The following PDXK variants were observed in gnomAD, a reference collection of about 807,000 sequenced individuals.
PDXK encodes the protein pyridoxal kinase.
A neutral mutation model predicts 43.2 loss-of-function variants in PDXK; 15 were observed. The ratio of observed to expected loss-of-function variants is 0.35; its 90% confidence interval spans 0.23 to 0.53. The LOEUF (loss-of-function observed/expected upper bound fraction) is 0.53, where lower values mean the gene tolerates loss of function less well. Among genes scored for constraint, PDXK ranks in the 20% least tolerant of loss-of-function variants. The pLI is 0.92. For missense variants in PDXK, 343 were observed against 417.0 expected, an observed-to-expected ratio of 0.82 and a Z score of 1.54; for synonymous variants, 172 against 165.4, an observed-to-expected ratio of 1.04 and a Z score of -0.31.
Position 43,753,608 on chromosome 21 carries a change from G to A in PDXK, c.648G>A (p.Met216Ile). 6.2e-7 allele frequency: 1 copy of A among 1,613,266 alleles called. No individual in the cohort carries two copies. The highest frequency in any genetic ancestry group is 8.5e-7 in the Non-Finnish European group (1 of 1,179,462). Residue 216 changes from methionine (M) to isoleucine (I), a missense_variant, in exon 9 of 11, where the codon ATG becomes ATA. Met to Ile is a conservative substitution (Grantham distance 10). Transcript: ENST00000291565. Reference protein sequence around the residue: ...RRRNPAGSVVMERIRMDIRKV... With the variant: ...RRRNPAGSVVIERIRMDIRKV... ...GGAATCCCGCTGGCTCCGTGGTGAT[G>A]GAACGCATCCGGATGGACATTCGCA...
intron 2 of PDXK, among the ~76,000 whole-genome samples, chr21:43,740,823 C>A (rs950403020): frequency 6.6e-6 from 1 of 151,572 alleles, no homozygotes; most frequent in African/African-American, 2.4e-5. Context: ...TCTAATTGCA[C>A]CTTAATAAGC....
intron 1 of PDXK, among the ~76,000 whole-genome samples, chr21:43,726,264 CTTTTTCTT>C (rs2083252052): frequency 7.3e-6 from 1 of 136,784 alleles, no homozygotes; most frequent in Non-Finnish European, 1.6e-5. Context: ...TCCATTTTTT[CTTTTTCTT>C]TTTTTTTTTT....
intron 7 of PDXK, among the ~76,000 whole-genome samples, chr21:43,751,287 G>A (rs1210449410): frequency 2.0e-5 from 3 of 152,224 alleles, no homozygotes; most frequent in Non-Finnish European, 1.5e-5. Context: ...AGTGGCTCAC[G>A]CCTGTAATCC....
intron 1 of PDXK, among the ~76,000 whole-genome samples, chr21:43,726,854 A>G (rs1443760565): frequency 6.6e-6 from 1 of 151,626 alleles, no homozygotes. Flanking sequence ...GCATGTGTGT[A>G]CATGGTGTGT....
At chr21:43,752,879 G>A (rs986108464) in intron 8 of PDXK, among the ~76,000 whole-genome samples, 10 of 152,180 alleles carry the variant, frequency 6.6e-5, no homozygotes, top group African/African-American at 1.9e-4. Context: ...AGAGCCAGGC[G>A]GGGTCCCTGA....
chr21:43,723,774 G>C lies in PDXK; in HGVS notation c.87+4393G>C, dbSNP rs919530948. On this transcript the variant is annotated intron_variant, in intron 1 of 10. Coordinates refer to ENST00000291565, the MANE Select transcript of PDXK (RefSeq NM_003681.5). The surrounding 1 kb of genome is among the most constrained non-coding windows in gnomAD (Gnocchi z 4.1). ...ATCCCGTCCAGATGGACAGGTAGTA[G>C]ATTCCCGCTGGCTGGGTGATATCCG... The C allele has an allele frequency of 3.3e-5, 5 of 152,262 alleles. No individual in the cohort carries two copies. The highest frequency in any genetic ancestry group is 1.2e-4 in the African/African-American group (5 of 41,458). 9.4% of individuals were successfully genotyped at this position (152,262 alleles called of 1,614,324 possible).
intron 4 of PDXK, 28 bp downstream of exon 4, chr21:43,743,835 G>C (rs755295125): frequency 1.3e-6 from 2 of 1,549,176 alleles, no homozygotes; most frequent in Admixed American, 3.4e-5. Context: ...CTCGGGTCTG[G>C]CTGTGTGGCC....
At chr21:43,742,733 A>G (rs1568985065) in intron 3 of PDXK, among the ~76,000 whole-genome samples, 2 of 152,062 alleles carry the variant, frequency 1.3e-5, no homozygotes, top group Non-Finnish European at 2.9e-5. Context: ...TTTAAAAATT[A>G]ATTAGCTGGG....
intron 1 of PDXK, among the ~76,000 whole-genome samples, chr21:43,726,377 G>A (rs1334942094): frequency 2.1e-5 from 3 of 145,050 alleles, no homozygotes; most frequent in Admixed American, 7.2e-5. Flanking sequence ...CCAGGTTCAC[G>A]CCATTCTCCT....
chr21:43,732,404 C>T lies in PDXK; in HGVS notation c.88-1665C>T. ...TGGGTAGACTCTGGAAGCGTCCAGA[C>T]CAGCTTGCGATGCTGATGAATAAGC... On this transcript the variant is annotated intron_variant, in intron 1 of 10. Transcript: ENST00000291565. The surrounding 1 kb of genome is among the most constrained non-coding windows in gnomAD (Gnocchi z 4.1). The T allele has an allele frequency of 6.2e-7, 1 of 1,612,870 alleles. No homozygotes were observed. Among genetic ancestry groups the T allele is most frequent in the Non-Finnish European group, 8.5e-7 (1 of 1,179,882 alleles).
intron 9 of PDXK, among the ~76,000 whole-genome samples, chr21:43,753,957 T>C (rs2083801909): frequency 6.6e-6 from 1 of 152,234 alleles, no homozygotes; most frequent in South Asian, 2.1e-4. Context: ...CTGTGAGGGC[T>C]TGGGTGACAG....
rs1236802438 is a variant in PDXK, at chr21:43,743,742, C to T, written c.266C>T (p.Ser89Leu). The T allele has an allele frequency of 2.5e-6, 4 of 1,613,244 alleles. No homozygotes were observed. The highest frequency in any genetic ancestry group is 1.7e-5 in the Admixed American group (1 of 59,986). The change falls in exon 4 of 11, where the codon TCG becomes TTG. Residue 89 changes from serine (S) to leucine (L), a missense_variant. Ser to Leu is a moderately radical substitution (Grantham distance 145). Transcript: ENST00000291565. ...YVLTGYTRDK[S>L]FLAMVVDIVQ... ...CCTAAAGGTTATACGAGGGACAAGT[C>T]GTTCCTGGCCATGGTGGTGGACATT...
At position 43,759,070 on chromosome 21, in the gene PDXK, T is replaced by C. The variant is rs1029709831; in HGVS notation, c.*3007T>C. 2.0e-5 allele frequency: 3 copies of C among 152,238 alleles called. No individual in the cohort carries two copies. The highest frequency in any genetic ancestry group is 7.2e-5 in the African/African-American group (3 of 41,462). 9.4% of individuals were successfully genotyped at this position (152,238 alleles called of 1,614,324 possible). On this transcript the variant is annotated 3_prime_UTR_variant, in exon 11 of 11. Coordinates refer to ENST00000291565, the MANE Select transcript of PDXK (RefSeq NM_003681.5). Reference sequence around the variant, plus strand: ...TGAGTAAGTGAGGGATGTCTCCATCTTGAGATCACCAGGCAAGAGAGTTGC... The same window carrying C: ...TGAGTAAGTGAGGGATGTCTCCATCCTGAGATCACCAGGCAAGAGAGTTGC...
Position 43,746,078 on chromosome 21 carries a change from G to A in PDXK, c.332-1G>A. The A allele has an allele frequency of 6.2e-7, 1 of 1,612,384 alleles. No homozygotes were observed. On this transcript the variant is annotated splice_acceptor_variant, in intron 4 of 10. Transcript: ENST00000291565. LOFTEE classifies it high-confidence loss of function. ...GATAAGATGCCCTTGTGTCTCTGCA[G>A]TGTGTGATCCAGTCTTGGGTGACAA...
intron 4 of PDXK, 96 bp from the exon 5 acceptor site, chr21:43,745,983 C>T: frequency 1.0e-6 from 1 of 981,306 alleles, no homozygotes. Context: ...GACAACAGAG[C>T]AAGACCCTGT....
rs1341752667 is a variant in PDXK, at chr21:43,755,713, A to G, written c.775A>G (p.Thr259Ala). Residue 259 changes from threonine (T) to alanine (A), a missense_variant, in exon 10 of 11, where the codon ACC (threonine) becomes GCC (alanine). By Grantham distance (58) the Thr-to-Ala change is moderately conservative. Transcript: ENST00000291565. ...CTCCCTGCAGGTGGCCTGTGAGAAG[A>G]CCGTGTCTACCTTGCACCACGTTCT... ...PNNLKVACEK[T>A]VSTLHHVLQR... 6.2e-7 allele frequency: 1 copy of G among 1,613,848 alleles called. No individual in the cohort carries two copies. The highest frequency in any genetic ancestry group is 1.3e-5 in the African/African-American group (1 of 74,938).
At chr21:43,733,030 G>A (rs1457545858) in intron 1 of PDXK, among the ~76,000 whole-genome samples, 3 of 152,168 alleles carry the variant, frequency 2.0e-5, no homozygotes, top group Admixed American at 6.5e-5. Context: ...TTACAGGCAT[G>A]AGCCACTGCA....
chr21:43,743,887 C>G (rs1769859336), intron 4 of PDXK, 80 bp downstream of exon 4: 2 of 907,108 alleles, frequency 2.2e-6, no homozygotes, highest in South Asian at 1.4e-5. Context: ...GAAGGGACGT[C>G]TTAGCCTCCT....
intron 1 of PDXK, among the ~76,000 whole-genome samples, chr21:43,729,904 G>T (rs568484983): frequency 6.6e-6 from 1 of 151,900 alleles, no homozygotes; most frequent in Non-Finnish European, 1.5e-5. Context: ...AGATTGTGCC[G>T]CTGGACTCCA....
Sources: gnomAD v4.1 joint callset for allele counts (sites outside exome capture counted in the v4.1 genomes callset) on GRCh38, gnomAD v4.1.1 for gene constraint, Gnocchi (gnomAD v3.1) non-coding constraint, MANE v1.5 for transcripts, NCBI Gene and HGNC (gene_info 2026-07-23, HGNC 2026-07-21) for gene names.